Variants in TMEM131 observed in about 807,000 individuals in gnomAD.
TMEM131 encodes the protein 2610524E03Rik.
A neutral mutation model predicts 211.6 loss-of-function variants in TMEM131; 66 were observed. The ratio of observed to expected loss-of-function variants is 0.31; its 90% CI spans 0.26 to 0.38. The LOEUF is 0.38. Ranked by LOEUF, TMEM131 falls within the 10% of genes least tolerant of loss-of-function variation. TMEM131 has a pLI of 1.00. For synonymous variants in TMEM131, 844 were observed against 841.3 expected (o/e 1.00, Z -0.06); for missense variants, 2,036 against 2,299.3 (o/e 0.89, Z 2.34).
At chr2:97,853,404 C>T (rs990940340) in intron 5 of TMEM131, among the ~76,000 whole-genome samples, 2 of 144,714 alleles carry the variant, frequency 1.4e-5, no homozygotes, top group Non-Finnish European at 3.0e-5. Flanking sequence ...AGACCAGCCT[C>T]GCCAACATGG....
chr2:97,900,628 T>G (rs1354861195), intron 3 of TMEM131, among the ~76,000 whole-genome samples: 1 of 152,038 alleles, frequency 6.6e-6, no homozygotes, highest in East Asian at 1.9e-4. Context: ...AACACTTAGG[T>G]TGATTCCTCC....
intron 5 of TMEM131, among the ~76,000 whole-genome samples, chr2:97,856,958 A>C (rs562610744): frequency 7.5e-4 from 114 of 152,340 alleles, no homozygotes; most frequent in Non-Finnish European, 1.3e-3. Flanking sequence ...CCATCATCTG[A>C]CAGCACAAAA....
At chr2:97,882,782 CAT>C (rs1409854383) in intron 4 of TMEM131, among the ~76,000 whole-genome samples, 2 of 152,180 alleles carry the variant, frequency 1.3e-5, no homozygotes, top group Non-Finnish European at 2.9e-5. Flanking sequence ...AACCCTTACA[CAT>C]GTTGGTTCAC....
intron 2 of TMEM131, among the ~76,000 whole-genome samples, chr2:97,916,847 T>C (rs1676528430): frequency 6.6e-6 from 1 of 152,222 alleles, no homozygotes; most frequent in Admixed American, 6.5e-5. Flanking sequence ...AAAATGATCA[T>C]AAAATGAATA....
intron 35 of TMEM131, chr2:97,762,535 G>T: frequency 4.2e-6 from 1 of 239,806 alleles, no homozygotes; most frequent in Non-Finnish European, 8.2e-6. Context: ...TGGGGACCTG[G>T]AAAATCCTTG....
At chr2:97,859,282 C>A in intron 5 of TMEM131, 22 bp downstream of exon 5, 2 of 1,567,934 alleles carry the variant, frequency 1.3e-6, no homozygotes, top group South Asian at 1.2e-5. Context: ...CAGGAAAGAT[C>A]ATGTATAGCA....
rs575038613 is a variant in TMEM131, at chr2:97,883,656, T to C, written c.359+4396A>G. Among the ~76,000 whole-genome samples the C allele has an allele frequency of 7.7e-4, 118 of 152,334 alleles. No individual in the cohort carries two copies. The Middle Eastern group carries it at 0.02, about 26-fold the overall frequency. ...TCTTGAGGAAAGGAAATAGTCATGG[T>C]TGTGTTTAAATCATCAGTTTCAGCA... On this transcript the variant is annotated intron_variant, in intron 4 of 40. Coordinates refer to ENST00000186436, the MANE Select transcript of TMEM131 (RefSeq NM_015348.2).
At chr2:97,921,715 A>G (rs533558841) in intron 2 of TMEM131, among the ~76,000 whole-genome samples, 7 of 152,344 alleles carry the variant, frequency 4.6e-5, no homozygotes. Context: ...AATGGGAAAA[A>G]AGACATGCAA....
chr2:97,838,412 T>A (rs1683030246), intron 7 of TMEM131, among the ~76,000 whole-genome samples: 1 of 145,614 alleles, frequency 6.9e-6, no homozygotes, highest in South Asian at 2.2e-4. Context: ...AAAATGGCAA[T>A]TCTTAAGCTT....
At chr2:97,944,307 C>A (rs1447352989) in intron 1 of TMEM131, among the ~76,000 whole-genome samples, 3 of 152,060 alleles carry the variant, frequency 2.0e-5, no homozygotes, top group Non-Finnish European at 4.4e-5. Context: ...CCCTGCCTAA[C>A]AACATATGCA....
chr2:97,960,234 T>G (rs190038022), intron 1 of TMEM131, among the ~76,000 whole-genome samples: 151 of 152,342 alleles, frequency 9.9e-4, no homozygotes, highest in African/African-American at 3.5e-3. Context: ...CATTGACAAT[T>G]CCTGCCTGAG....
chr2:97,909,365 G>A (rs1297988830), intron 2 of TMEM131, among the ~76,000 whole-genome samples: 1 of 152,106 alleles, frequency 6.6e-6, no homozygotes, highest in Non-Finnish European at 1.5e-5. Flanking sequence ...GGGAGAGAAG[G>A]AGAAAATGAG....
intron 35 of TMEM131, chr2:97,762,737 T>A (rs1429518234): frequency 6.5e-6 from 1 of 153,098 alleles, no homozygotes; most frequent in Non-Finnish European, 1.5e-5. Flanking sequence ...CTGGGCACAG[T>A]GGCTCGGACC....
At chr2:97,947,315 T>C (rs1177487465) in intron 1 of TMEM131, among the ~76,000 whole-genome samples, 1 of 152,088 alleles carries the variant, frequency 6.6e-6, no homozygotes, top group East Asian at 1.9e-4. Context: ...TGATATCTCC[T>C]ATAACACCTA....
At chr2:97,834,571 G>GT (rs999042978) in intron 10 of TMEM131, 50 bp downstream of exon 10, 10 of 1,227,934 alleles carry the variant, frequency 8.1e-6, no homozygotes, top group African/African-American at 5.3e-5. Context: ...GAATACAGGG[G>GT]TTAAAAAAAA....
chr2:97,913,436 T>C (rs955151488), intron 2 of TMEM131, among the ~76,000 whole-genome samples: 1 of 152,202 alleles, frequency 6.6e-6, no homozygotes, highest in African/African-American at 2.4e-5. Context: ...ACAGAATTCA[T>C]TTTACAGATA....
At chr2:97,857,385 G>T (rs1487070790) in intron 5 of TMEM131, among the ~76,000 whole-genome samples, 2 of 152,108 alleles carry the variant, frequency 1.3e-5, no homozygotes, top group African/African-American at 4.8e-5. Context: ...CCCAGTTTAA[G>T]AATCTGTTTG....
At chr2:97,986,103 C>G (rs1680015581) in intron 1 of TMEM131, among the ~76,000 whole-genome samples, 1 of 152,056 alleles carries the variant, frequency 6.6e-6, no homozygotes, top group Non-Finnish European at 1.5e-5. Flanking sequence ...TGACAAAAGA[C>G]TGATCAAACA....
chr2:97,787,880 A>G (rs1323015229), intron 31 of TMEM131, among the ~76,000 whole-genome samples: 2 of 152,010 alleles, frequency 1.3e-5, no homozygotes, highest in Non-Finnish European at 2.9e-5. Flanking sequence ...TTTCCTCTGA[A>G]ACCTTACACT....
Sources: allele counts gnomAD v4.1 joint callset (sites outside exome capture counted in the v4.1 genomes callset), GRCh38; gene constraint gnomAD v4.1.1; transcripts MANE v1.5; gene names NCBI Gene and HGNC (gene_info 2026-07-23, HGNC 2026-07-21).